The following ZNF362 variants were observed in gnomAD, a reference collection of about 807,000 sequenced individuals.
ZNF362 encodes zinc finger protein 362.
ZNF362 carries 11 observed loss-of-function variants against 42.9 expected under a neutral mutation model. The observed-to-expected ratio is 0.26, with a 90% confidence interval of 0.16 to 0.42. ZNF362 has a LOEUF of 0.42. ZNF362 is among the 20% of genes least tolerant of loss of function. ZNF362 has a pLI of 1.00. For synonymous variants in ZNF362, 255 were observed against 257.3 expected (o/e 0.99, Z 0.09); for missense variants, 362 against 576.2 (o/e 0.63, Z 3.81).
At chr1:33,161,004 G>C in the ZNF362 span, among the ~76,000 whole-genome samples, 9 of 152,222 alleles carry the variant, frequency 5.9e-5, no homozygotes, top group Non-Finnish European at 1.3e-4. The surrounding 1 kb of genome is among the most constrained non-coding windows in gnomAD (Gnocchi z 4.3). Context: ...GACAGTCTGC[G>C]TAAGGACTCT....
At chr1:33,287,249 T>A (rs1646039512) in intron 6 of ZNF362, among the ~76,000 whole-genome samples, 1 of 152,240 alleles carries the variant, frequency 6.6e-6, no homozygotes, top group African/African-American at 2.4e-5. Context: ...CCTGCAGATA[T>A]CACAGTGTGG....
the ZNF362 span, among the ~76,000 whole-genome samples, chr1:33,215,823 T>C: frequency 1.3e-5 from 2 of 151,822 alleles, no homozygotes; most frequent in Non-Finnish European, 2.9e-5. Context: ...TAATGTTTTC[T>C]TAATGTCACG....
At chr1:33,181,016 G>A in the ZNF362 span, 2 of 1,579,118 alleles carry the variant, frequency 1.3e-6, no homozygotes, top group South Asian at 2.3e-5. The surrounding 1 kb of genome is among the most constrained non-coding windows in gnomAD (Gnocchi z 6.5). Context: ...GGCAGGCCGG[G>A]TAGCGCACCT....
chr1:33,237,955 T>C, the ZNF362 span, among the ~76,000 whole-genome samples: 1 of 152,206 alleles, frequency 6.6e-6, no homozygotes, highest in Non-Finnish European at 1.5e-5. Flanking sequence ...ACAGGATTGA[T>C]AGTTGTGACA....
chr1:33,197,524 A>G, the ZNF362 span, among the ~76,000 whole-genome samples: 1 of 152,206 alleles, frequency 6.6e-6, no homozygotes, highest in African/African-American at 2.4e-5. Flanking sequence ...GCAGTGCATA[A>G]CTATATATGA....
rs1464111577 is a variant in ZNF362 at position 33,296,828 on chromosome 1, T to G, written c.1146+1523T>G. The stretch of plus-strand genomic sequence containing the variant: ...GGGAGGGGACTGTCAGGAAGGGTTT[T>G]TTTTTTTTTTTTTTGGTATATTTTA... On this transcript the variant is annotated intron_variant, in intron 8 of 8. Transcript: ENST00000539719. 7.4e-4 allele frequency among the ~76,000 whole-genome samples: 112 copies of G among 150,802 alleles called. 2 individuals carry two copies. In the East Asian group the frequency reaches 0.018, roughly 25 times the overall value.
At chr1:33,154,196 C>T in the ZNF362 span, among the ~76,000 whole-genome samples, 8 of 152,338 alleles carry the variant, frequency 5.3e-5, no homozygotes, top group Admixed American at 3.9e-4. Context: ...TGTGGTGGCT[C>T]ACGCCTGTAA....
the ZNF362 span, among the ~76,000 whole-genome samples, chr1:33,129,424 C>T: frequency 6.6e-6 from 1 of 152,218 alleles, no homozygotes; most frequent in African/African-American, 2.4e-5. The surrounding 1 kb of genome is among the most constrained non-coding windows in gnomAD (Gnocchi z 4.1). Context: ...CACAGACTGT[C>T]TTTGGGTCCT....
the ZNF362 span, among the ~76,000 whole-genome samples, chr1:33,170,910 C>T: frequency 6.6e-6 from 1 of 152,190 alleles, no homozygotes; most frequent in African/African-American, 2.4e-5. Flanking sequence ...TCACAGGGCA[C>T]AGAGCCTGGC....
the ZNF362 span, among the ~76,000 whole-genome samples, chr1:33,232,295 C>T: frequency 1.3e-5 from 2 of 151,794 alleles, no homozygotes; most frequent in Non-Finnish European, 2.9e-5. Flanking sequence ...GACAGGGTCT[C>T]ACTCTGTTGC....
At chr1:33,158,510 G>A in the ZNF362 span, 2 of 640,322 alleles carry the variant, frequency 3.1e-6, no homozygotes, top group Admixed American at 5.0e-5. Flanking sequence ...TCAAGTGCCT[G>A]CTTGTGCTGC....
the ZNF362 span, among the ~76,000 whole-genome samples, chr1:33,207,310 ATGGTGTATATG>A: frequency 6.6e-6 from 1 of 152,166 alleles, no homozygotes; most frequent in African/African-American, 2.4e-5. Context: ...ATAGTATTCC[ATGGTGTATATG>A]TGCCATATTT....
At chr1:33,165,419 A>T in the ZNF362 span, 1 of 1,491,140 alleles carries the variant, frequency 6.7e-7, no homozygotes, top group South Asian at 1.2e-5. This position sits in a 1 kb window ranked among gnomAD's most constrained non-coding sequence, Gnocchi z 4.0. Flanking sequence ...CGCCCCTCGA[A>T]GCCCTGCCCT....
chr1:33,146,853 G>T, the ZNF362 span: 1 of 354,488 alleles, frequency 2.8e-6, no homozygotes, highest in South Asian at 3.4e-5. Flanking sequence ...CTGGGCTGGA[G>T]GGAGACACTG....
upstream of ZNF362, among the ~76,000 whole-genome samples, chr1:33,253,756 C>CT (rs1645772143): frequency 6.6e-6 from 1 of 152,106 alleles, no homozygotes; most frequent in South Asian, 2.1e-4. Flanking sequence ...GATAACATAA[C>CT]TTTTTTGAGC....
intron 2 of ZNF362, among the ~76,000 whole-genome samples, chr1:33,274,494 C>T (rs1645928114): frequency 6.6e-6 from 1 of 152,122 alleles, no homozygotes; most frequent in Non-Finnish European, 1.5e-5. Context: ...GCAGGAAGTA[C>T]TTCTTGTGTT....
chr1:33,217,662 G>A, the ZNF362 span, among the ~76,000 whole-genome samples: 1 of 152,070 alleles, frequency 6.6e-6, no homozygotes. Flanking sequence ...TCATTAAAAA[G>A]AAATTTAAAC....
the ZNF362 span, among the ~76,000 whole-genome samples, chr1:33,175,958 T>C: frequency 6.6e-6 from 1 of 152,336 alleles, no homozygotes; most frequent in East Asian, 1.9e-4. Flanking sequence ...CCTAAGCTTC[T>C]ACACTGTGGC....
At chr1:33,297,836 G>A (rs1003978556) in intron 8 of ZNF362, among the ~76,000 whole-genome samples, 10 of 152,150 alleles carry the variant, frequency 6.6e-5, no homozygotes, top group Non-Finnish European at 7.4e-5. Flanking sequence ...TTTAGATCAA[G>A]ATCCAAATAA....
Sources: allele counts gnomAD v4.1 joint callset (sites outside exome capture counted in the v4.1 genomes callset), GRCh38; gene constraint gnomAD v4.1.1; non-coding constraint Gnocchi (gnomAD v3.1); transcripts MANE v1.5; gene names NCBI Gene and HGNC (gene_info 2026-07-23, HGNC 2026-07-21).